The following ZNF106 variants were observed in gnomAD, a reference collection of about 807,000 sequenced individuals.
The protein encoded by ZNF106 is SH3-domain binding protein 3.
In ZNF106, 67 loss-of-function variants were observed where a neutral mutation model predicts 195.1. The ratio of observed to expected loss-of-function variants is 0.34; its 90% CI spans 0.28 to 0.42. The LOEUF (loss-of-function observed/expected upper bound fraction) is 0.42. Ranked by LOEUF, ZNF106 falls within the 10% of genes least tolerant of loss-of-function variation. The probability of loss-of-function intolerance (pLI) is 1.00; values close to 1 mark genes in which losing one functional copy is unlikely to be tolerated. For synonymous variants in ZNF106, 784 were observed against 818.6 expected (o/e 0.96, Z 0.72); for missense variants, 2,118 against 2,304.5 (o/e 0.92, Z 1.66).
In ZNF106 at chr15:42,422,565, T is replaced by C; in HGVS notation, c.5309A>G (p.Asn1770Ser). The C allele has an allele frequency of 6.2e-7, 1 of 1,613,758 alleles. No individual in the cohort carries two copies. The highest frequency in any genetic ancestry group is 8.5e-7 in the Non-Finnish European group (1 of 1,179,966). Reference sequence around the variant, plus strand: ...AGTCACCATCACTTTTCCTAGGATATTCACCACAGTCACTGCATGATTGTG... The same window carrying C: ...AGTCACCATCACTTTTCCTAGGATACTCACCACAGTCACTGCATGATTGTG... Reference protein sequence around the residue: ...KGHNHAVTVVNILGKVMVTAC... With the variant: ...KGHNHAVTVVSILGKVMVTAC... Residue 1770 changes from asparagine to serine, a missense_variant, in exon 18 of 22, where the codon AAT becomes AGT. Asn to Ser is a conservative substitution (Grantham distance 46, BLOSUM62 1). Transcript: ENST00000564754.
chr15:42,480,271 T>C (rs940099083), intron 1 of ZNF106, among the ~76,000 whole-genome samples: 2 of 152,230 alleles, frequency 1.3e-5, no homozygotes, highest in East Asian at 1.9e-4. Flanking sequence ...GTTACATCTT[T>C]CTCATGAACT....
chr15:42,432,152 T>C (rs2055072202), intron 14 of ZNF106, among the ~76,000 whole-genome samples: 1 of 152,072 alleles, frequency 6.6e-6, no homozygotes, highest in African/African-American at 2.4e-5. Context: ...TCCAGTAGTA[T>C]TCCTTGTCTT....
At chr15:42,485,394 G>A (rs748429604) in intron 1 of ZNF106, among the ~76,000 whole-genome samples, 12 of 152,186 alleles carry the variant, frequency 7.9e-5, no homozygotes, top group Non-Finnish European at 1.2e-4. Context: ...TCAATATCAT[G>A]CTGTTACAAC....
chr15:42,450,474 A>G lies in ZNF106; in HGVS notation c.1798T>C (p.Leu600=). Residue 600 remains leucine (L), a synonymous_variant, in exon 5 of 22, where the codon TTG becomes CTG. Transcript: ENST00000564754. Reference sequence around the variant, plus strand: ...GCGTGCACTTGAAACTCAATTTTCAAAGACCCTTTTTCAGATTCTTCTACA... The same window carrying G: ...GCGTGCACTTGAAACTCAATTTTCAGAGACCCTTTTTCAGATTCTTCTACA... ...RNVEESEKGS[L]KIEFQVHALE... 6.2e-7 allele frequency: 1 copy of G among 1,614,098 alleles called. No homozygotes were observed. Among genetic ancestry groups the G allele is most frequent in the Non-Finnish European group, 8.5e-7 (1 of 1,180,028 alleles).
At chr15:42,420,528 G>A (rs745876408) in intron 20 of ZNF106, among the ~76,000 whole-genome samples, 1 of 152,102 alleles carries the variant, frequency 6.6e-6, no homozygotes, top group East Asian at 1.9e-4. Flanking sequence ...TCAAGTTCAC[G>A]CCATCAATGC....
rs995641222 is a variant in ZNF106 at position 42,429,013 on chromosome 15, C to T, written c.4882-879G>A. ...ATCTCCTGACCTCGTGATCTGCCCG[C>T]CTCGGCCTCCCTTACATGCATGAGC... On this transcript the variant is annotated intron_variant, in intron 14 of 21. Transcript: ENST00000564754. Among the ~76,000 whole-genome samples, 5 of 151,600 alleles carry T rather than the reference C, an allele frequency of 3.3e-5. No homozygotes were observed. The East Asian group carries it at 7.8e-4, about 24-fold the overall frequency.
Position 42,451,277 on chromosome 15 carries a change from T to C in ZNF106, c.995A>G (p.Glu332Gly). The C allele has an allele frequency of 3.1e-6, 5 of 1,614,170 alleles. No individual in the cohort carries two copies. Among genetic ancestry groups the C allele is most frequent in the Non-Finnish European group, 4.2e-6 (5 of 1,180,022 alleles). ...EGFTSDKFPSEGLLDFNFEQL... is the reference protein window; with the variant it reads ...EGFTSDKFPSGGLLDFNFEQL... ...CTCAAAATTGAAGTCGAGTAAGCCT[T>C]CTGAAGGAAATTTATCACTTGTAAA... The change falls in exon 5 of 22, where the codon GAA becomes GGA. Residue 332 changes from glutamate to glycine, a missense_variant. Coordinates refer to ENST00000564754, the MANE Select transcript of ZNF106 (RefSeq NM_001366845.3).
intron 19 of ZNF106, 46 bp downstream of exon 19, chr15:42,421,871 C>T (rs767546487): frequency 6.8e-7 from 1 of 1,467,674 alleles, no homozygotes; most frequent in South Asian, 1.4e-5. Context: ...AATTTTTTAG[C>T]AAACACATTC....
intron 2 of ZNF106, among the ~76,000 whole-genome samples, chr15:42,466,930 C>T (rs138545906): frequency 1.1e-4 from 17 of 152,044 alleles, no homozygotes; most frequent in African/African-American, 4.1e-4. Context: ...GTCAGGAGAT[C>T]GAGACCATCC....
Position 42,442,313 on chromosome 15 carries a change from G to A in ZNF106, c.3523C>T (p.Pro1175Ser), listed in dbSNP as rs1270145737. The part of the protein sequence containing the change: ...SQTSIDAALL[P>S]TPFFPLFLEP... Reference sequence around the variant, plus strand: ...AGAAAAAGTGGGAAAAAGGGAGTGGGCAGCAGTGCGGCATCAATGGATGTT... The same window carrying A: ...AGAAAAAGTGGGAAAAAGGGAGTGGACAGCAGTGCGGCATCAATGGATGTT... The change falls in exon 10 of 22, where the codon CCC (proline) becomes TCC (serine). Residue 1175 changes from proline (P) to serine (S), a missense_variant. Coordinates refer to ENST00000564754, the MANE Select transcript of ZNF106 (RefSeq NM_001366845.3). The A allele has an allele frequency of 5.6e-6, 9 of 1,614,098 alleles. No individual in the cohort carries two copies. Among genetic ancestry groups the A allele is most frequent in the African/African-American group, 4.0e-5 (3 of 74,930 alleles).
At chr15:42,443,810 C>T (rs2055650056) in intron 9 of ZNF106, among the ~76,000 whole-genome samples, 1 of 151,918 alleles carries the variant, frequency 6.6e-6, no homozygotes, top group South Asian at 2.1e-4. Context: ...TTCATCCCCT[C>T]AAAGAGAACA....
Position 42,442,357 on chromosome 15 carries a change from C to T in ZNF106, c.3479G>A (p.Arg1160Gln), listed in dbSNP as rs761266380. The change falls in exon 10 of 22, where the codon CGA (arginine) becomes CAA (glutamine). Residue 1160 changes from arginine to glutamine, a missense_variant. By Grantham distance (43) the Arg-to-Gln change is conservative. Coordinates refer to ENST00000564754, the MANE Select transcript of ZNF106 (RefSeq NM_001366845.3). ...GGATGTTTGAGATCTACTGTTCCTTCGTTCTCGTGTGAGGCTACAGGGAAC... is the reference window on the plus strand; with the variant it reads ...GGATGTTTGAGATCTACTGTTCCTTTGTTCTCGTGTGAGGCTACAGGGAAC... ...DQVPCSLTRE[R>Q]RNSRSQTSID... is the part of the protein sequence containing the mutation. 7.4e-6 allele frequency: 12 copies of T among 1,613,976 alleles called. No individual in the cohort carries two copies. The East Asian group carries it at 1.3e-4, about 18-fold the overall frequency.
intron 4 of ZNF106, among the ~76,000 whole-genome samples, chr15:42,452,813 C>T (rs986267015): frequency 6.6e-6 from 1 of 150,560 alleles, no homozygotes; most frequent in Non-Finnish European, 1.5e-5. Context: ...AGACTCCCGA[C>T]TAGCTGGGAT....
rs139638516 is a variant in ZNF106, at chr15:42,428,066, G to A, written c.4950C>T (p.Ile1650=). 6.9e-5 allele frequency: 112 copies of A among 1,614,138 alleles called. 1 individual carries two copies. In the Admixed American group the frequency reaches 8.3e-4, roughly 12 times the overall value. ...TGCCATTTGCCAGTCCCGCATAGAGGATTCGCCATCTACTGTGGAGGCAGA... is the reference window on the plus strand; with the variant it reads ...TGCCATTTGCCAGTCCCGCATAGAGAATTCGCCATCTACTGTGGAGGCAGA... ...RVLCLHSRWR[I]LYAGLANGTV... is the part of the protein sequence containing the mutation. The change falls in exon 15 of 22, where the codon ATC becomes ATT. Residue 1650 remains isoleucine, a synonymous_variant. Coordinates refer to ENST00000564754, the MANE Select transcript of ZNF106 (RefSeq NM_001366845.3).
At chr15:42,463,064 G>T (rs2056430368) in intron 3 of ZNF106, among the ~76,000 whole-genome samples, 1 of 151,836 alleles carries the variant, frequency 6.6e-6, no homozygotes, top group Admixed American at 6.6e-5. Flanking sequence ...CTCTCAAAGT[G>T]CTGGGATTAT....
intron 1 of ZNF106, among the ~76,000 whole-genome samples, chr15:42,484,228 T>A (rs1244655221): frequency 3.3e-5 from 5 of 152,230 alleles, no homozygotes; most frequent in Non-Finnish European, 7.3e-5. Flanking sequence ...ATAACCTTCT[T>A]ATCCTTCCTG....
At chr15:42,463,192 T>G (rs530639298) in intron 3 of ZNF106, among the ~76,000 whole-genome samples, 1 of 152,288 alleles carries the variant, frequency 6.6e-6, no homozygotes, top group East Asian at 1.9e-4. Context: ...TCCTACAGAC[T>G]AGATTTACTG....
chr15:42,430,648 G>A (rs1305165557), intron 14 of ZNF106, among the ~76,000 whole-genome samples: 2 of 152,006 alleles, frequency 1.3e-5, no homozygotes, highest in African/African-American at 2.4e-5. Context: ...GCCTCCTAAA[G>A]TGTTAAGATT....
At position 42,416,446 on chromosome 15, in the gene ZNF106, A is replaced by C. The variant is rs931646211; in HGVS notation, c.*858T>G. ...TGAACAAACCAAAAGGGTTCAAACC[A>C]ACATTAGGCTTGCAGGGTCAGACAC... On this transcript the variant is annotated 3_prime_UTR_variant, in exon 22 of 22. Coordinates refer to ENST00000564754, the MANE Select transcript of ZNF106 (RefSeq NM_001366845.3). 19 of 152,320 alleles carry C rather than the reference A, an allele frequency of 1.2e-4. No homozygotes were observed. The highest frequency in any genetic ancestry group is 3.9e-4 in the African/African-American group (16 of 41,458). 9.4% of individuals were successfully genotyped at this position (152,320 alleles called of 1,614,324 possible).
Sources: allele counts gnomAD v4.1 joint callset (sites outside exome capture counted in the v4.1 genomes callset), GRCh38; gene constraint gnomAD v4.1.1; transcripts MANE v1.5; gene names NCBI Gene and HGNC (gene_info 2026-07-23, HGNC 2026-07-21).